Variants in CANX observed in about 807,000 individuals in gnomAD.
CANX encodes calnexin.
Under a neutral mutation model 75.7 loss-of-function variants are expected in CANX, and 14 were observed. The ratio of observed to expected loss-of-function variants is 0.19; its 90% CI spans 0.12 to 0.29. CANX has a LOEUF of 0.29. CANX is among the 10% of genes least tolerant of loss of function. CANX has a pLI of 1.00. For missense variants in CANX, 567 were observed against 713.2 expected (o/e 0.79, Z 2.34); for synonymous variants, 227 against 236.9 (o/e 0.96, Z 0.38).
chr5:179,691,545 A>C (rs1454720174), intron 1 of CANX, among the ~76,000 whole-genome samples: 1 of 151,852 alleles, frequency 6.6e-6, no homozygotes, highest in Non-Finnish European at 1.5e-5. Flanking sequence ...CCATCTCTGC[A>C]AAGAAAAAAA....
intron 7 of CANX, among the ~76,000 whole-genome samples, chr5:179,712,653 G>A (rs917679269): frequency 1.3e-4 from 19 of 149,062 alleles, no homozygotes; most frequent in Admixed American, 1.0e-3. Flanking sequence ...TCAAACTCCC[G>A]ACGTCAGGTG....
At chr5:179,678,692 T>G in exon 1 of CANX, 1 of 1,536,716 alleles carries the variant, frequency 6.5e-7, no homozygotes, top group Non-Finnish European at 8.7e-7. Context: ...CGGGATCACC[T>G]CGGGGTTGCG....
intron 7 of CANX, chr5:179,715,820 TTTTG>T: frequency 9.1e-6 from 4 of 440,406 alleles, no homozygotes; most frequent in Admixed American, 7.7e-5. Context: ...TTCTTGTTTT[TTTTG>T]TTTTTTTTTT....
upstream of CANX, among the ~76,000 whole-genome samples, chr5:179,696,814 C>T (rs1279289895): frequency 6.6e-6 from 1 of 152,204 alleles, no homozygotes; most frequent in East Asian, 1.9e-4. Context: ...TGTTACTGCA[C>T]TTCCTTTTAT....
At chr5:179,713,450 A>T (rs778346129) in intron 7 of CANX, among the ~76,000 whole-genome samples, 4 of 152,262 alleles carry the variant, frequency 2.6e-5, no homozygotes, top group African/African-American at 7.2e-5. Flanking sequence ...GCAAAAAGAA[A>T]ACACTTAAAG....
intron 1 of CANX, among the ~76,000 whole-genome samples, chr5:179,705,086 A>G (rs1325193959): frequency 1.3e-5 from 2 of 152,050 alleles, no homozygotes; most frequent in Non-Finnish European, 2.9e-5. Flanking sequence ...CCTGGGTTCA[A>G]GCAGTTCTCC....
chr5:179,700,497 TCTC>T (rs1276432575), intron 1 of CANX: 1 of 152,254 alleles, frequency 6.6e-6, no homozygotes, highest in Non-Finnish European at 1.5e-5. Flanking sequence ...ATGTGGGAGT[TCTC>T]CTGTGCATCA....
chr5:179,725,078 A>G (rs1033600100), intron 13 of CANX, among the ~76,000 whole-genome samples: 1 of 152,188 alleles, frequency 6.6e-6, no homozygotes, highest in Non-Finnish European at 1.5e-5. Flanking sequence ...GTTGGAGTAC[A>G]GTGGCACAGT....
chr5:179,723,055 TTG>T, intron 11 of CANX, 36 bp downstream of exon 11: 4 of 1,548,024 alleles, frequency 2.6e-6, no homozygotes, highest in Non-Finnish European at 3.6e-6. Context: ...GTGTCTGTTA[TTG>T]TAAGGAGCTG....
At chr5:179,693,055 A>T (rs12188589) in intron 1 of CANX, among the ~76,000 whole-genome samples, 2 of 150,238 alleles carry the variant, frequency 1.3e-5, no homozygotes, top group East Asian at 4.1e-4. Context: ...CTGAGGAAGG[A>T]GAATCATGTG....
chr5:179,678,783 T>C, intron 1 of CANX: 2 of 1,536,940 alleles, frequency 1.3e-6, no homozygotes, highest in Non-Finnish European at 1.7e-6. Flanking sequence ...TTCAGGTAGT[T>C]GTTCTCCTCC....
chr5:179,678,901 C>A (rs1370604085), intron 1 of CANX: 1 of 1,534,950 alleles, frequency 6.5e-7, no homozygotes, highest in Admixed American at 2.0e-5. Flanking sequence ...TGGTCCACCG[C>A]CCGCCGCGGA....
At chr5:179,704,709 G>A (rs1040369331) in intron 1 of CANX, among the ~76,000 whole-genome samples, 1 of 151,612 alleles carries the variant, frequency 6.6e-6, no homozygotes, top group African/African-American at 2.4e-5. Context: ...GGTGGTGGGT[G>A]CCTGTAATCA....
intron 1 of CANX, among the ~76,000 whole-genome samples, chr5:179,682,365 A>G (rs945449154): frequency 6.0e-5 from 9 of 151,234 alleles, no homozygotes; most frequent in Non-Finnish European, 8.8e-5. Flanking sequence ...TCATGAGGTC[A>G]GGAGATCGAG....
At chr5:179,678,872 C>G (rs1775973025) in intron 1 of CANX, 1 of 1,536,188 alleles carries the variant, frequency 6.5e-7, no homozygotes, top group African/African-American at 1.4e-5. Flanking sequence ...CGACCGCGTC[C>G]TCGCCAGCTG....
At chr5:179,680,857 G>A (rs879355017) in intron 1 of CANX, 1 of 1,531,278 alleles carries the variant, frequency 6.5e-7, no homozygotes, top group Non-Finnish European at 8.8e-7. Context: ...GTGGACAGAG[G>A]CTGGATGGTA....
chr5:179,689,285 T>G (rs1562438407), intron 1 of CANX, among the ~76,000 whole-genome samples: 1 of 148,186 alleles, frequency 6.7e-6, no homozygotes, highest in African/African-American at 2.5e-5. Flanking sequence ...AACGAAAACA[T>G]ACGTCAGACC....
At chr5:179,681,139 CAGAT>C (rs770853763) in intron 1 of CANX, among the ~76,000 whole-genome samples, 1 of 152,192 alleles carries the variant, frequency 6.6e-6, no homozygotes, top group African/African-American at 2.4e-5. Flanking sequence ...GCTGAGCTGT[CAGAT>C]AGACTCTGGG....
Position 179,723,153 on chromosome 5 carries a change from C to T in CANX, c.1398+134C>T, listed in dbSNP as rs1011404893. The T allele has an allele frequency of 4.2e-6, 3 of 716,406 alleles. No individual in the cohort carries two copies. The Admixed American group carries it at 8.3e-5, about 20-fold the overall frequency. 44.4% of individuals were successfully genotyped at this position (716,406 alleles called of 1,614,324 possible). On this transcript the variant is annotated intron_variant, in intron 11 of 14. Transcript: ENST00000247461. ...AGTATAACCATATGCCTGCAAAAGACACAATATTGGGTTTTGGGGCATGAT... is the reference window on the plus strand; with the variant it reads ...AGTATAACCATATGCCTGCAAAAGATACAATATTGGGTTTTGGGGCATGAT...
Sources: allele counts gnomAD v4.1 joint callset (sites outside exome capture counted in the v4.1 genomes callset), GRCh38; gene constraint gnomAD v4.1.1; transcripts MANE v1.5; gene names NCBI Gene and HGNC (gene_info 2026-07-23, HGNC 2026-07-21).